RFTN1: variants seen among roughly 807,000 people sequenced by gnomAD.
The protein encoded by RFTN1 is raftlin, lipid raft linker 1.
A neutral mutation model predicts 46.5 loss-of-function variants in RFTN1; 26 were observed. The observed-to-expected ratio is 0.56, with a 90% CI of 0.41 to 0.78. The LOEUF (loss-of-function observed/expected upper bound fraction) is 0.78, where lower values mean the gene tolerates loss of function less well. Ranked by LOEUF, RFTN1 falls within the 30% of genes least tolerant of loss-of-function variation. RFTN1 has a pLI of 0.00. For missense variants in RFTN1, 693 were observed against 718.7 expected (o/e 0.96, Z 0.41); for synonymous variants, 261 against 284.2 (o/e 0.92, Z 0.82).
intron 3 of RFTN1, among the ~76,000 whole-genome samples, chr3:16,414,177 G>A (rs2075026781): frequency 6.6e-6 from 1 of 151,714 alleles, no homozygotes; most frequent in Non-Finnish European, 1.5e-5. Context: ...TTCATCAATA[G>A]ATAGAAGTGA....
Position 16,509,573 on chromosome 3 carries a change from C to T in RFTN1, c.-9+3869G>A, listed in dbSNP as rs913865994. 2.0e-5 allele frequency among the ~76,000 whole-genome samples: 3 copies of T among 152,094 alleles called. No homozygotes were observed. The highest frequency in any genetic ancestry group is 7.2e-5 in the African/African-American group (3 of 41,396). The stretch of plus-strand genomic sequence containing the variant: ...GCTATAATTATTTGTATTTTATTAA[C>T]AATATTAAAATCAGTAATAAAGAGA... On this transcript the variant is annotated intron_variant, in intron 1 of 9. Coordinates refer to ENST00000334133, the MANE Select transcript of RFTN1 (RefSeq NM_015150.2). This position sits in a 1 kb window ranked among gnomAD's most constrained non-coding sequence, Gnocchi z 4.9.
chr3:16,487,743 GGTA>G (rs1011643459), intron 2 of RFTN1, among the ~76,000 whole-genome samples: 2 of 152,178 alleles, frequency 1.3e-5, no homozygotes, highest in African/African-American at 4.8e-5. Context: ...AGCTGACATA[GGTA>G]GCTTTCAAGT....
intron 8 of RFTN1, among the ~76,000 whole-genome samples, chr3:16,325,576 TTCAAGTCTTC>T (rs1206248724): frequency 1.3e-5 from 2 of 152,054 alleles, no homozygotes; most frequent in Non-Finnish European, 2.9e-5. Context: ...AAGACTTGGG[TTCAAGTCTTC>T]AGGCCCCAAA....
At chr3:16,482,816 G>T (rs1388966573) in intron 2 of RFTN1, 2 of 1,536,092 alleles carry the variant, frequency 1.3e-6, no homozygotes, top group South Asian at 2.4e-5. Flanking sequence ...GCCAGGGAGG[G>T]CGCAGGGGCA....
At chr3:16,485,027 A>C (rs914450485) in intron 2 of RFTN1, among the ~76,000 whole-genome samples, 3 of 152,264 alleles carry the variant, frequency 2.0e-5, no homozygotes, top group East Asian at 3.8e-4. Flanking sequence ...GAAATGTAAA[A>C]TAGAACAAAC....
intron 4 of RFTN1, among the ~76,000 whole-genome samples, chr3:16,399,802 C>T (rs1219170807): frequency 1.3e-5 from 2 of 152,202 alleles, no homozygotes; most frequent in Non-Finnish European, 2.9e-5. Context: ...ATTAATCCAA[C>T]TGCAGGAGCC....
chr3:16,470,843 C>G (rs1318795018), intron 2 of RFTN1, among the ~76,000 whole-genome samples: 1 of 152,154 alleles, frequency 6.6e-6, no homozygotes, highest in Non-Finnish European at 1.5e-5. Flanking sequence ...AAAAATGTTA[C>G]CCATTTTAAA....
At chr3:16,510,916 A>G (rs2076889740) in intron 1 of RFTN1, among the ~76,000 whole-genome samples, 1 of 152,264 alleles carries the variant, frequency 6.6e-6, no homozygotes, top group African/African-American at 2.4e-5. Context: ...CATTAACAGA[A>G]TATACAAACA....
rs1052721943 is a variant in RFTN1, at chr3:16,396,883, C to G, written c.441+12492G>C. Reference sequence around the variant, plus strand: ...TTTGAGACCAGCCTGGCCAACATGGCGAAATCCCGTTTCCACTAAAAATAC... The same window carrying G: ...TTTGAGACCAGCCTGGCCAACATGGGGAAATCCCGTTTCCACTAAAAATAC... On this transcript the variant is annotated intron_variant, in intron 4 of 9. Transcript: ENST00000334133. Among the ~76,000 whole-genome samples the G allele has an allele frequency of 1.3e-5, 2 of 151,866 alleles. 1 individual carries two copies. Among genetic ancestry groups the G allele is most frequent in the Non-Finnish European group, 2.9e-5 (2 of 67,966 alleles).
chr3:16,513,264 T>C lies in RFTN1; in HGVS notation c.-9+178A>G, dbSNP rs1693744940. On this transcript the variant is annotated intron_variant, in intron 1 of 9. Coordinates refer to ENST00000334133, the MANE Select transcript of RFTN1 (RefSeq NM_015150.2). This position sits in a 1 kb window ranked among gnomAD's most constrained non-coding sequence, Gnocchi z 5.4. ...TCCCAAGGATCAGCCCAGGTCCCCA[T>C]CCGACGCGGGCCAGGGGGTGCTGCT... The C allele has an allele frequency of 6.6e-6, 1 of 152,402 alleles. No homozygotes were observed. The highest frequency in any genetic ancestry group is 2.4e-5 in the African/African-American group (1 of 41,452). 9.4% of individuals were successfully genotyped at this position (152,402 alleles called of 1,614,324 possible). A position where few individuals can be genotyped will look rare whatever the true frequency, so the allele number is the denominator to read the frequency against.
chr3:16,418,439 G>C lies in RFTN1; in HGVS notation c.333-8956C>G, dbSNP rs895178265. ...TTTTCCCAGGACAACAGGCAGTTAT[G>C]AAAAGGAGAGAGAATGTGCAGTTCA... On this transcript the variant is annotated intron_variant, in intron 3 of 9. Transcript: ENST00000334133. This position sits in a 1 kb window ranked among gnomAD's most constrained non-coding sequence, Gnocchi z 5.0. Among the ~76,000 whole-genome samples, 2 of 152,036 alleles carry C rather than the reference G, an allele frequency of 1.3e-5. No individual in the cohort carries two copies. The highest frequency in any genetic ancestry group is 4.8e-5 in the African/African-American group (2 of 41,378).
At position 16,507,754 on chromosome 3, in the gene RFTN1, CACAT is replaced by C. The variant is rs1003914171; in HGVS notation, c.-9+5684_-9+5687del. 8.0e-5 allele frequency among the ~76,000 whole-genome samples: 12 copies of C among 150,080 alleles called. No individual in the cohort carries two copies. Among genetic ancestry groups the C allele is most frequent in the Non-Finnish European group, 1.6e-4 (11 of 67,812 alleles). On this transcript the variant is annotated intron_variant, in intron 1 of 9. Transcript: ENST00000334133. This position sits in a 1 kb window ranked among gnomAD's most constrained non-coding sequence, Gnocchi z 7.1. ...ACACATACACACATACATGCACACTCACATACACACAAACACACACATACACTCA... is the reference window on the plus strand; with the variant it reads ...ACACATACACACATACATGCACACTCACACACAAACACACACATACACTCA...
chr3:16,495,266 G>A (rs1259856011), intron 1 of RFTN1, among the ~76,000 whole-genome samples: 1 of 152,212 alleles, frequency 6.6e-6, no homozygotes, highest in East Asian at 1.9e-4. Flanking sequence ...ATATTTAACT[G>A]CTGAAAAGCA....
At chr3:16,365,817 A>G (rs2073131882) in intron 6 of RFTN1, among the ~76,000 whole-genome samples, 1 of 140,588 alleles carries the variant, frequency 7.1e-6, no homozygotes, top group African/African-American at 2.4e-5. Flanking sequence ...ACCAGATGAA[A>G]CCATCATGCA....
chr3:16,397,115 T>C (rs188513254), intron 4 of RFTN1, among the ~76,000 whole-genome samples: 11 of 146,806 alleles, frequency 7.5e-5, no homozygotes, highest in African/African-American at 2.8e-4. Flanking sequence ...TGTCAACAGA[T>C]GAATGGATGA....
chr3:16,338,857 A>G lies in RFTN1; in HGVS notation c.1147-11981T>C, dbSNP rs1316348965. Among the ~76,000 whole-genome samples the G allele has an allele frequency of 6.6e-6, 1 of 152,178 alleles. No homozygotes were observed. Among genetic ancestry groups the G allele is most frequent in the Non-Finnish European group, 1.5e-5 (1 of 68,028 alleles). ...TTATTTTGGAGTTGGGGACCTGGGG[A>G]GAGAGCCAGTCTGTCTGCAGGAATT... is the stretch of plus-strand genomic sequence containing the variant. On this transcript the variant is annotated intron_variant, in intron 7 of 9. Transcript: ENST00000334133. The surrounding 1 kb of genome is among the most constrained non-coding windows in gnomAD (Gnocchi z 5.3).
At position 16,407,787 on chromosome 3, in the gene RFTN1, TC is replaced by T. The variant is rs34704197; in HGVS notation, c.441+1587del. ...TATGCGTATGTGAACAAAAGCTACT[TC>T]CCCCCTCCCCCATTTCTTAAATAAT... On this transcript the variant is annotated intron_variant, in intron 4 of 9. Transcript: ENST00000334133. The surrounding 1 kb of genome is among the most constrained non-coding windows in gnomAD (Gnocchi z 4.0). Among the ~76,000 whole-genome samples the T allele has an allele frequency of 5.9e-5, 9 of 151,644 alleles. No individual in the cohort carries two copies. The East Asian group carries it at 1.4e-3, about 23-fold the overall frequency.
chr3:16,428,863 T>A lies in RFTN1; in HGVS notation c.332+4988A>T, dbSNP rs937857251. ...AACTGACTTCTGTTAGCCATCAAGTTTCAAGATCTTTAGCAACTCATTCTA... is the reference window on the plus strand; with the variant it reads ...AACTGACTTCTGTTAGCCATCAAGTATCAAGATCTTTAGCAACTCATTCTA... On this transcript the variant is annotated intron_variant, in intron 3 of 9. Transcript: ENST00000334133. The surrounding 1 kb of genome is among the most constrained non-coding windows in gnomAD (Gnocchi z 4.7). Among the ~76,000 whole-genome samples, 3 of 152,164 alleles carry A rather than the reference T, an allele frequency of 2.0e-5. No homozygotes were observed. The highest frequency in any genetic ancestry group is 4.8e-5 in the African/African-American group (2 of 41,450).
intron 2 of RFTN1, among the ~76,000 whole-genome samples, chr3:16,435,927 T>C (rs1267435326): frequency 6.7e-6 from 1 of 148,774 alleles, no homozygotes; most frequent in East Asian, 1.9e-4. Flanking sequence ...AATATATATA[T>C]ATATATATAT....
Sources: allele counts gnomAD v4.1 joint callset (sites outside exome capture counted in the v4.1 genomes callset), GRCh38; gene constraint gnomAD v4.1.1; non-coding constraint Gnocchi (gnomAD v3.1); transcripts MANE v1.5; gene names NCBI Gene and HGNC (gene_info 2026-07-23, HGNC 2026-07-21).